COPS3: variants seen among roughly 807,000 people sequenced by gnomAD.
The protein encoded by COPS3 is COP9 signalosome complex subunit 3.
A neutral mutation model predicts 58.2 loss-of-function variants in COPS3; 10 were observed. The observed-to-expected ratio is 0.17, with a 90% CI of 0.11 to 0.29. The LOEUF is 0.29. COPS3 is among the 10% of genes least tolerant of loss of function. COPS3 has a pLI of 1.00. For synonymous variants in COPS3, 187 were observed against 181.7 expected (o/e 1.03, Z -0.24); for missense variants, 333 against 510.1 (o/e 0.65, Z 3.34).
intron 5 of COPS3, among the ~76,000 whole-genome samples, chr17:17,267,067 G>C (rs1426294068): frequency 1.3e-5 from 2 of 151,640 alleles, no homozygotes; most frequent in African/African-American, 4.8e-5. Context: ...GCCGGGCACA[G>C]TGGCTCACGC....
chr17:17,268,224 A>T (rs543416846), intron 4 of COPS3, among the ~76,000 whole-genome samples: 1 of 152,340 alleles, frequency 6.6e-6, no homozygotes, highest in African/African-American at 2.4e-5. Context: ...TTATTTTTAC[A>T]ATGAAGATCA....
intron 1 of COPS3, chr17:17,280,912 G>A: frequency 2.2e-6 from 2 of 908,626 alleles, no homozygotes; most frequent in Non-Finnish European, 3.2e-6. Flanking sequence ...GCGGCCCGAG[G>A]GAGGGGAGGC....
At chr17:17,255,441 GCGC>G (rs1295442230) in intron 8 of COPS3, among the ~76,000 whole-genome samples, 1 of 146,522 alleles carries the variant, frequency 6.8e-6, no homozygotes, top group Non-Finnish European at 1.5e-5. Context: ...AGCTGAGACT[GCGC>G]CACTGCTCTC....
In COPS3 at chr17:17,268,850, AAAT is replaced by A. The variant is rs200922585; in HGVS notation, c.349-876_349-874del. On this transcript the variant is annotated intron_variant, in intron 4 of 11. Transcript: ENST00000268717. The stretch of plus-strand genomic sequence containing the variant: ...ACAACAACAACAACAACAACAACAA[AAAT>A]ATATATATATATATGTGAAGAGACT... Among the ~76,000 whole-genome samples, 286 of 141,710 alleles carry A rather than the reference AAAT, an allele frequency of 2.0e-3. 2 individuals are homozygous for A. Among genetic ancestry groups the A allele is most frequent in the African/African-American group, 5.2e-3 (190 of 36,208 alleles). The allele number at this position is 141,710 out of a possible 152,430, so 93.0% of individuals were successfully genotyped here. A position where few individuals can be genotyped will look rare whatever the true frequency, so the allele number is the denominator to read the frequency against.
intron 2 of COPS3, among the ~76,000 whole-genome samples, chr17:17,274,789 A>G (rs934035060): frequency 2.0e-5 from 3 of 150,796 alleles, no homozygotes; most frequent in East Asian, 1.9e-4. Context: ...AAATTTACTT[A>G]CAACCAATGC....
chr17:17,274,988 C>T (rs1681710689), intron 2 of COPS3, among the ~76,000 whole-genome samples: 1 of 152,098 alleles, frequency 6.6e-6, no homozygotes, highest in Non-Finnish European at 1.5e-5. Context: ...GACCACACAG[C>T]TGGTGGCAGC....
chr17:17,279,790 T>C (rs1194281235), intron 1 of COPS3, among the ~76,000 whole-genome samples: 2 of 152,202 alleles, frequency 1.3e-5, no homozygotes, highest in African/African-American at 4.8e-5. Flanking sequence ...TTCACAACTC[T>C]ACATAAACTA....
At chr17:17,261,883 G>C (rs1276668270) in intron 7 of COPS3, 83 bp downstream of exon 7, 5 of 1,251,186 alleles carry the variant, frequency 4.0e-6, no homozygotes, top group Non-Finnish European at 5.6e-6. Context: ...AGTATAAAAC[G>C]AAGTTACAGA....
At chr17:17,261,753 C>A in intron 7 of COPS3, 1 of 494,714 alleles carries the variant, frequency 2.0e-6, no homozygotes, top group Non-Finnish European at 3.6e-6. Flanking sequence ...CTGTAAGTAT[C>A]TAGAGCACAA....
intron 4 of COPS3, among the ~76,000 whole-genome samples, chr17:17,268,837 ACAACAACAAC>A (rs1281020122): frequency 1.4e-5 from 2 of 145,972 alleles, no homozygotes; most frequent in African/African-American, 2.8e-5. Context: ...AACAACAACA[ACAACAACAAC>A]AAAAATATAT....
At chr17:17,262,163 A>G in intron 6 of COPS3, 57 bp from the exon 7 acceptor site, 5 of 1,465,884 alleles carry the variant, frequency 3.4e-6, no homozygotes, top group Admixed American at 4.5e-5. Flanking sequence ...GCAAACAACA[A>G]TCAACCACAT....
At chr17:17,262,687 G>A (rs951145850) in intron 6 of COPS3, among the ~76,000 whole-genome samples, 5 of 151,780 alleles carry the variant, frequency 3.3e-5, no homozygotes, top group East Asian at 2.0e-4. Flanking sequence ...CTGAGATTGC[G>A]CCACTGCACT....
chr17:17,276,215 C>T, intron 1 of COPS3, 51 bp from the exon 2 acceptor site: 2 of 1,603,936 alleles, frequency 1.2e-6, no homozygotes, highest in South Asian at 2.2e-5. Flanking sequence ...ACTAACCAAA[C>T]TGATGGAACT....
chr17:17,254,540 G>A lies in COPS3; in HGVS notation c.1023+319C>T, dbSNP rs74646271. On this transcript the variant is annotated intron_variant, in intron 9 of 11. Transcript: ENST00000268717. ...AAAAATGAAAATCAAGGCCAGGCAC[G>A]GTGGCTCATGCCTATAATCCCAGCA... Among the ~76,000 whole-genome samples, 180 of 152,232 alleles carry A rather than the reference G, an allele frequency of 1.2e-3. 1 individual carries two copies. In the East Asian group the frequency reaches 0.033, roughly 28 times the overall value.
rs372044417 is a variant in COPS3, at chr17:17,266,935, G to A, written c.441+950C>T. ...GTTGGTCAGGCTGGTCTGGAACTCC[G>A]GACCTCAGGTGATCCGCCCGCCTCA... On this transcript the variant is annotated intron_variant, in intron 5 of 11. Coordinates refer to ENST00000268717, the MANE Select transcript of COPS3 (RefSeq NM_003653.4). Among the ~76,000 whole-genome samples the A allele has an allele frequency of 5.7e-4, 87 of 151,544 alleles. No homozygotes were observed. In the East Asian group the frequency reaches 0.016, roughly 28 times the overall value.
At chr17:17,280,416 C>G (rs963137729) in intron 1 of COPS3, among the ~76,000 whole-genome samples, 7 of 148,022 alleles carry the variant, frequency 4.7e-5, no homozygotes, top group Admixed American at 1.3e-4. Context: ...AAAAAAAAGC[C>G]GTGTGAGCTG....
At chr17:17,269,313 T>C (rs2048296135) in intron 4 of COPS3, among the ~76,000 whole-genome samples, 1 of 152,156 alleles carries the variant, frequency 6.6e-6, no homozygotes. Context: ...TAATCCCAGC[T>C]ACTTGGGAGG....
Position 17,276,022 on chromosome 17 carries a change from A to C in COPS3, c.185+13T>G. The C allele has an allele frequency of 6.2e-7, 1 of 1,611,784 alleles. No individual in the cohort carries two copies. The highest frequency in any genetic ancestry group is 1.1e-5 in the South Asian group (1 of 90,814). On this transcript the variant is annotated intron_variant, in intron 2 of 11. Transcript: ENST00000268717. ...TTAACAAGCACAGAACTATAAAAGA[A>C]GATGCTCCTTACAAAACAGCAAGGA...
At chr17:17,255,606 G>A (rs868561500) in intron 8 of COPS3, among the ~76,000 whole-genome samples, 18 of 151,528 alleles carry the variant, frequency 1.2e-4, no homozygotes, top group African/African-American at 4.4e-4. Flanking sequence ...TTGGGAGGCC[G>A]AGGTGGGTGG....
Sources: allele counts gnomAD v4.1 joint callset (sites outside exome capture counted in the v4.1 genomes callset), GRCh38; gene constraint gnomAD v4.1.1; transcripts MANE v1.5; gene names NCBI Gene and HGNC (gene_info 2026-07-23, HGNC 2026-07-21).